RAB38: variants seen among roughly 807,000 people sequenced by gnomAD.
RAB38 encodes RAB38, member RAS oncogene family.
A neutral mutation model predicts 18.4 loss-of-function variants in RAB38; 15 were observed. The ratio of observed to expected loss-of-function variants is 0.82; its 90% confidence interval spans 0.55 to 1.26. The LOEUF (loss-of-function observed/expected upper bound fraction) is 1.26. RAB38 is among the 50% of genes most tolerant of loss of function. RAB38 has a pLI of 0.00. For missense variants in RAB38, 294 were observed against 267.4 expected (o/e 1.10, Z -0.69); for synonymous variants, 101 against 104.4 (o/e 0.97, Z 0.20).
the RAB38 span, among the ~76,000 whole-genome samples, chr11:87,808,651 T>C: frequency 6.6e-6 from 1 of 151,990 alleles, no homozygotes; most frequent in South Asian, 2.1e-4. Flanking sequence ...TCTAAGAGAG[T>C]AGATTTTAAG....
intron 1 of RAB38, among the ~76,000 whole-genome samples, chr11:88,157,894 A>G (rs1943144980): frequency 6.6e-6 from 1 of 152,108 alleles, no homozygotes; most frequent in South Asian, 2.1e-4. Context: ...TCTTAAATTG[A>G]CAATCTAACA....
At chr11:88,026,388 C>G in the RAB38 span, among the ~76,000 whole-genome samples, 1 of 151,210 alleles carries the variant, frequency 6.6e-6, no homozygotes, top group African/African-American at 2.4e-5. Context: ...ACAGTGAAAT[C>G]CCGTCTCCAC....
chr11:87,819,257 T>C, the RAB38 span, among the ~76,000 whole-genome samples: 2 of 152,210 alleles, frequency 1.3e-5, no homozygotes, highest in Non-Finnish European at 2.9e-5. Flanking sequence ...ACCTTTGAAG[T>C]GCTGAATCCA....
chr11:87,882,702 C>T, the RAB38 span, among the ~76,000 whole-genome samples: 2 of 151,794 alleles, frequency 1.3e-5, no homozygotes, highest in African/African-American at 4.8e-5. Flanking sequence ...TAGCTACACT[C>T]ATTTTGGTCT....
chr11:87,819,105 G>A, the RAB38 span, among the ~76,000 whole-genome samples: 1 of 152,216 alleles, frequency 6.6e-6, no homozygotes, highest in Non-Finnish European at 1.5e-5. Context: ...TTCTGTTGGA[G>A]TTCTATTTAC....
chr11:87,826,100 A>T, the RAB38 span, among the ~76,000 whole-genome samples: 1 of 152,066 alleles, frequency 6.6e-6, no homozygotes, highest in Non-Finnish European at 1.5e-5. Context: ...AAAATGGTAA[A>T]AGTGAGTGAT....
At chr11:87,894,299 C>T in the RAB38 span, among the ~76,000 whole-genome samples, 1 of 151,684 alleles carries the variant, frequency 6.6e-6, no homozygotes, top group East Asian at 2.0e-4. Context: ...AATAATTCTA[C>T]AGAGAAAGGA....
At chr11:88,037,734 AC>A in the RAB38 span, among the ~76,000 whole-genome samples, 1 of 152,128 alleles carries the variant, frequency 6.6e-6, no homozygotes, top group Non-Finnish European at 1.5e-5. Flanking sequence ...AATGCTTTTG[AC>A]ATTCATCAGG....
At chr11:88,147,080 G>A (rs1942997131) in intron 2 of RAB38, among the ~76,000 whole-genome samples, 3 of 152,248 alleles carry the variant, frequency 2.0e-5, no homozygotes, top group South Asian at 4.2e-4. Flanking sequence ...TTTGACCCAC[G>A]GGTAATTTCA....
the RAB38 span, among the ~76,000 whole-genome samples, chr11:87,895,581 G>T: frequency 6.6e-6 from 1 of 151,596 alleles, no homozygotes; most frequent in Non-Finnish European, 1.5e-5. Context: ...AGCAACTAAG[G>T]CAAATTTATA....
chr11:88,054,794 C>T, the RAB38 span, among the ~76,000 whole-genome samples: 1 of 152,206 alleles, frequency 6.6e-6, no homozygotes, highest in Non-Finnish European at 1.5e-5. Context: ...CAAGAAAGGA[C>T]AGCTTGCACA....
the RAB38 span, among the ~76,000 whole-genome samples, chr11:87,953,282 C>CATGTATATCAAGTAGTGATGAATGTATA: frequency 1.3e-5 from 2 of 152,100 alleles, no homozygotes; most frequent in African/African-American, 4.8e-5. Flanking sequence ...GGCATGCACA[C>CATGTATATCAAGTAGTGATGAATGTATA]ATGTATATCA....
At chr11:88,100,159 A>T in the RAB38 span, 1 of 151,938 alleles carries the variant, frequency 6.6e-6, no homozygotes, top group Non-Finnish European at 1.5e-5. Context: ...TAGCAATAAA[A>T]CACACACACA....
chr11:87,953,729 T>C, the RAB38 span, among the ~76,000 whole-genome samples: 1 of 152,128 alleles, frequency 6.6e-6, no homozygotes, highest in Non-Finnish European at 1.5e-5. Flanking sequence ...TTGCAACATA[T>C]TACCTGAAGA....
At chr11:88,128,434 C>T (rs1017913744) in intron 2 of RAB38, among the ~76,000 whole-genome samples, 2 of 152,206 alleles carry the variant, frequency 1.3e-5, no homozygotes, top group Non-Finnish European at 2.9e-5. Flanking sequence ...TGAACTCTGT[C>T]AACTTGATTA....
At chr11:88,071,717 G>A in the RAB38 span, among the ~76,000 whole-genome samples, 2 of 152,150 alleles carry the variant, frequency 1.3e-5, no homozygotes, top group East Asian at 3.9e-4. Context: ...GCAATTGATT[G>A]GTAATAGGGG....
chr11:87,930,908 T>G, the RAB38 span, among the ~76,000 whole-genome samples: 1 of 152,308 alleles, frequency 6.6e-6, no homozygotes, highest in East Asian at 1.9e-4. Context: ...GGCTCTGTTC[T>G]GTTCCATTGG....
the RAB38 span, among the ~76,000 whole-genome samples, chr11:87,896,281 C>T: frequency 6.6e-6 from 1 of 151,642 alleles, no homozygotes; most frequent in South Asian, 2.1e-4. Context: ...GCCATTCAAC[C>T]CTTCCCCAGC....
chr11:88,030,055 A>G, the RAB38 span, among the ~76,000 whole-genome samples: 1 of 152,210 alleles, frequency 6.6e-6, no homozygotes, highest in Non-Finnish European at 1.5e-5. Flanking sequence ...CAATCAAACT[A>G]GAACTCAGGA....
Sources: allele counts gnomAD v4.1 joint callset (sites outside exome capture counted in the v4.1 genomes callset), GRCh38; gene constraint gnomAD v4.1.1; transcripts MANE v1.5; gene names NCBI Gene and HGNC (gene_info 2026-07-23, HGNC 2026-07-21).